The following IVL variants were observed in gnomAD, a reference collection of about 807,000 sequenced individuals.
IVL encodes involucrin.
For missense variants in IVL, 722 were observed against 624.9 expected (o/e 1.16, Z -1.66); for synonymous variants, 257 against 271.0 (o/e 0.95, Z 0.51).
rs1288811938 is a variant in IVL at position 152,910,508 on chromosome 1, G to A, written c.711G>A (p.Gln237=). 6.6e-7 allele frequency: 1 copy of A among 1,514,646 alleles called. No individual in the cohort carries two copies. Among genetic ancestry groups the A allele is most frequent in the Non-Finnish European group, 8.8e-7 (1 of 1,130,646 alleles). 93.8% of individuals were successfully genotyped at this position (1,514,646 alleles called of 1,614,324 possible). Residue 237 remains glutamine (Q), a synonymous_variant, in exon 2 of 2, where the codon CAG becomes CAA. Transcript: ENST00000368764. The part of the protein sequence containing the change: ...EQQEGQLELP[Q]QQEGQLELSE... ...AGGAGGGGCAGCTGGAGCTCCCACA[G>A]CAGCAGGAGGGGCAGCTGGAGCTCT... is the stretch of plus-strand genomic sequence containing the variant.
chr1:152,909,830 C>A lies in IVL; in HGVS notation c.33C>A (p.Leu11=). 6.2e-7 allele frequency: 1 copy of A among 1,613,944 alleles called. No homozygotes were observed. Among genetic ancestry groups the A allele is most frequent in the Non-Finnish European group, 8.5e-7 (1 of 1,179,910 alleles). ...AGCAACACACACTGCCAGTGACCCT[C>A]TCCCCTGCCCTCAGTCAGGAGCTCC... MSQQHTLPVT[L]SPALSQELLK... The change falls in exon 2 of 2, where the codon CTC becomes CTA. Residue 11 remains leucine (L), a synonymous_variant. Coordinates refer to ENST00000368764, the MANE Select transcript of IVL (RefSeq NM_005547.4).
At chr1:152,908,646 T>G (rs1649837714) in intron 1 of IVL, 57 bp downstream of exon 1, 2 of 122,922 alleles carry the variant, frequency 1.6e-5, no homozygotes, top group South Asian at 3.0e-4. Flanking sequence ...CAGCATACGA[T>G]GTGGTGGGGG....
chr1:152,908,669 G>T (rs1451138402), intron 1 of IVL, 80 bp downstream of exon 1: 1 of 150,744 alleles, frequency 6.6e-6, no homozygotes, highest in Non-Finnish European at 1.5e-5. Flanking sequence ...GGCAGCCTGG[G>T]TGGGGGTGGG....
chr1:152,908,950 C>T (rs1649850374), intron 1 of IVL, among the ~76,000 whole-genome samples: 1 of 152,158 alleles, frequency 6.6e-6, no homozygotes, highest in Admixed American at 6.5e-5. Context: ...CAGGGAAGAG[C>T]TTCTACCTTT....
chr1:152,911,324 C>G lies in IVL; in HGVS notation c.1527C>G (p.His509Gln), dbSNP rs1045820734. ...AGCACCTGGAACAGCAGGAAAAGCA[C>G]CTAGAGCACCCAGAGCAGCAGGACG... ...QPKHLEQQEK[H>Q]LEHPEQQDGQ... The change falls in exon 2 of 2, where the codon CAC becomes CAG. Residue 509 changes from histidine to glutamine, a missense_variant. Coordinates refer to ENST00000368764, the MANE Select transcript of IVL (RefSeq NM_005547.4). 2 of 1,581,212 alleles carry G rather than the reference C, an allele frequency of 1.3e-6. No homozygotes were observed. Among genetic ancestry groups the G allele is most frequent in the Non-Finnish European group, 1.7e-6 (2 of 1,164,398 alleles).
At position 152,911,754 on chromosome 1, in the gene IVL, C is replaced by T; in HGVS notation, c.*199C>T. 1 of 599,588 alleles carries T rather than the reference C, an allele frequency of 1.7e-6. No homozygotes were observed. Among genetic ancestry groups the T allele is most frequent in the Non-Finnish European group, 3.0e-6 (1 of 335,594 alleles). 37.1% of individuals were successfully genotyped at this position (599,588 alleles called of 1,614,324 possible). A position where few individuals can be genotyped will look rare whatever the true frequency, so the allele number is the denominator to read the frequency against. The stretch of plus-strand genomic sequence containing the variant: ...GTGCCAACCCCAATGACCCCAATCC[C>T]AACCTCAGGTGAGCAGAGCCTCTAC... On this transcript the variant is annotated 3_prime_UTR_variant, in exon 2 of 2. Coordinates refer to ENST00000368764, the MANE Select transcript of IVL (RefSeq NM_005547.4).
chr1:152,911,017 T>G lies in IVL; in HGVS notation c.1220T>G (p.Val407Gly), dbSNP rs539289670. The G allele has an allele frequency of 7.4e-7, 1 of 1,348,014 alleles. No individual in the cohort carries two copies. The highest frequency in any genetic ancestry group is 3.4e-5 in the East Asian group (1 of 29,592). 83.5% of individuals were successfully genotyped at this position (1,348,014 alleles called of 1,614,324 possible). Reference sequence around the variant, plus strand: ...CAGGAGGGGCAGCTGAAGCATCTGGTGCAGCAGGAGGGGCAGCTGGAGCAG... The same window carrying G: ...CAGGAGGGGCAGCTGAAGCATCTGGGGCAGCAGGAGGGGCAGCTGGAGCAG... ...VQQEGQLKHLVQQEGQLEQQE... is the reference protein window; with the variant it reads ...VQQEGQLKHLGQQEGQLEQQE... Residue 407 changes from valine to glycine, a missense_variant, in exon 2 of 2, where the codon GTG becomes GGG. Transcript: ENST00000368764.
At chr1:152,909,290 T>C (rs1649867559) in intron 1 of IVL, among the ~76,000 whole-genome samples, 1 of 152,220 alleles carries the variant, frequency 6.6e-6, no homozygotes, top group Non-Finnish European at 1.5e-5. Flanking sequence ...GCATGTCCTG[T>C]GGCTCCAGTC....
rs1416812669 is a variant in IVL at position 152,911,082 on chromosome 1, C to A, written c.1285C>A (p.Gln429Lys). The change falls in exon 2 of 2, where the codon CAG becomes AAG. Residue 429 changes from glutamine to lysine, a missense_variant. Transcript: ENST00000368764. ...QVEHLEQQVG[Q>K]LKHLEEQEGQ... is the part of the protein sequence containing the mutation. ...GGAGCACCTGGAGCAGCAGGTGGGGCAGCTGAAGCACCTAGAGGAGCAGGA... is the reference window on the plus strand; with the variant it reads ...GGAGCACCTGGAGCAGCAGGTGGGGAAGCTGAAGCACCTAGAGGAGCAGGA... 6 of 1,551,586 alleles carry A rather than the reference C, an allele frequency of 3.9e-6. No individual in the cohort carries two copies. Among genetic ancestry groups the A allele is most frequent in the Non-Finnish European group, 5.2e-6 (6 of 1,147,122 alleles).
intron 1 of IVL, among the ~76,000 whole-genome samples, chr1:152,908,999 C>T (rs1052404149): frequency 6.6e-6 from 1 of 152,090 alleles, no homozygotes; most frequent in South Asian, 2.1e-4. Context: ...ATGGGGAAAC[C>T]TTTCTATTTG....
chr1:152,909,784 C>T lies in IVL; in HGVS notation c.-14C>T. On this transcript the variant is annotated 5_prime_UTR_variant, in exon 2 of 2. Transcript: ENST00000368764. ...AGACCTCTTCTGTCTTTCAGGTTGA[C>T]AGTAGCTTCTAAGATGTCCCAGCAA... 1 of 1,600,944 alleles carries T rather than the reference C, an allele frequency of 6.2e-7. No homozygotes were observed. The highest frequency in any genetic ancestry group is 8.5e-7 in the Non-Finnish European group (1 of 1,172,926).
At chr1:152,908,719 G>A (rs1234707947) in intron 1 of IVL, 130 bp downstream of exon 1, 1 of 152,396 alleles carries the variant, frequency 6.6e-6, no homozygotes, top group Non-Finnish European at 1.5e-5. Context: ...TTTCATTCTA[G>A]GGGGACTCGA....
In IVL at chr1:152,911,707, G is replaced by A; in HGVS notation, c.*152G>A. The A allele has an allele frequency of 1.3e-6, 1 of 775,066 alleles. No individual in the cohort carries two copies. Among genetic ancestry groups the A allele is most frequent in the Non-Finnish European group, 2.1e-6 (1 of 481,104 alleles). 48.0% of individuals were successfully genotyped at this position (775,066 alleles called of 1,614,324 possible). On this transcript the variant is annotated 3_prime_UTR_variant, in exon 2 of 2. Coordinates refer to ENST00000368764, the MANE Select transcript of IVL (RefSeq NM_005547.4). ...GTCTCTTTAATGGGGTGAGGGTGGG[G>A]GAGAGAGGGAATTATTGTCCAGTGC... is the stretch of plus-strand genomic sequence containing the variant.
At position 152,910,543 on chromosome 1, in the gene IVL, A is replaced by C; in HGVS notation, c.746A>C (p.Gln249Pro). ...GGGCAGCTGGAGCTCTCTGAGCAGCAGGAGGGGCAGCTGGAGCTCTCTGAG... is the reference window on the plus strand; with the variant it reads ...GGGCAGCTGGAGCTCTCTGAGCAGCCGGAGGGGCAGCTGGAGCTCTCTGAG... ...QEGQLELSEQ[Q>P]EGQLELSEQQ... is the part of the protein sequence containing the mutation. The change falls in exon 2 of 2, where the codon CAG (glutamine) becomes CCG (proline). Residue 249 changes from glutamine to proline, a missense_variant. Coordinates refer to ENST00000368764, the MANE Select transcript of IVL (RefSeq NM_005547.4). The C allele has an allele frequency of 6.5e-7, 1 of 1,546,332 alleles. No homozygotes were observed. The highest frequency in any genetic ancestry group is 2.0e-5 in the Admixed American group (1 of 50,816).
At chr1:152,909,343 C>T (rs1649869509) in intron 1 of IVL, among the ~76,000 whole-genome samples, 2 of 152,198 alleles carry the variant, frequency 1.3e-5, no homozygotes, top group African/African-American at 4.8e-5. Flanking sequence ...CTGGCACGGC[C>T]TATTGGTTTT....
intron 1 of IVL, 27 bp downstream of exon 1, chr1:152,908,616 T>C (rs1410083669): frequency 6.6e-6 from 1 of 151,056 alleles, no homozygotes; most frequent in Non-Finnish European, 1.5e-5. Flanking sequence ...AGAACCAGGG[T>C]TGGGACTCGG....
At position 152,911,283 on chromosome 1, in the gene IVL, C is replaced by T; in HGVS notation, c.1486C>T (p.Gln496Ter). The change falls in exon 2 of 2, where the codon CAG (glutamine) becomes TAG (stop). Residue 496 changes from glutamine to a stop codon, truncating the protein, a stop_gained. Transcript: ENST00000368764. LOFTEE classifies it low-confidence loss of function (END_TRUNC). ...GGCACAGCTGGAGCTCCCAGAGCAG[C>T]AGGTAGGACAGCCAAAGCACCTGGA... is the stretch of plus-strand genomic sequence containing the variant. ...QEAQLELPEQ[Q>*]VGQPKHLEQQ... is the part of the protein sequence containing the mutation. The T allele has an allele frequency of 6.4e-7, 1 of 1,563,444 alleles. No homozygotes were observed. The highest frequency in any genetic ancestry group is 1.2e-5 in the South Asian group (1 of 85,442).
In IVL at chr1:152,911,214, C is replaced by T; in HGVS notation, c.1417C>T (p.Pro473Ser). 2 of 1,556,832 alleles carry T rather than the reference C, an allele frequency of 1.3e-6. No homozygotes were observed. Among genetic ancestry groups the T allele is most frequent in the Non-Finnish European group, 1.7e-6 (2 of 1,150,332 alleles). Residue 473 changes from proline (P) to serine (S), a missense_variant, in exon 2 of 2, where the codon CCA becomes TCA. Pro to Ser is a moderately conservative substitution (Grantham distance 74). Transcript: ENST00000368764. Reference sequence around the variant, plus strand: ...GCAGGAGGAGAAGCAACTGGAGCTCCCAGAGCAGCAAGAGGGCCAGGTGAA... The same window carrying T: ...GCAGGAGGAGAAGCAACTGGAGCTCTCAGAGCAGCAAGAGGGCCAGGTGAA... ...LEQEEKQLEL[P>S]EQQEGQVKHL...
chr1:152,911,332 A>T lies in IVL; in HGVS notation c.1535A>T (p.His512Leu). 1 of 1,591,684 alleles carries T rather than the reference A, an allele frequency of 6.3e-7. No homozygotes were observed. The highest frequency in any genetic ancestry group is 8.6e-7 in the Non-Finnish European group (1 of 1,168,968). Residue 512 changes from histidine to leucine, a missense_variant, in exon 2 of 2, where the codon CAC becomes CTC. Coordinates refer to ENST00000368764, the MANE Select transcript of IVL (RefSeq NM_005547.4). The stretch of plus-strand genomic sequence containing the variant: ...GAACAGCAGGAAAAGCACCTAGAGC[A>T]CCCAGAGCAGCAGGACGGACAACTA... Reference protein sequence around the residue: ...HLEQQEKHLEHPEQQDGQLKH... With the variant: ...HLEQQEKHLELPEQQDGQLKH...
Sources: gnomAD v4.1 joint callset for allele counts (sites outside exome capture counted in the v4.1 genomes callset) on GRCh38, gnomAD v4.1.1 for gene constraint, MANE v1.5 for transcripts, NCBI Gene and HGNC (gene_info 2026-07-23, HGNC 2026-07-21) for gene names.